ADGRL2: variants seen among roughly 807,000 people sequenced by gnomAD.
ADGRL2 encodes the protein adhesion G protein-coupled receptor L2.
Under a neutral mutation model 157.4 loss-of-function variants are expected in ADGRL2, and 44 were observed. That is an observed-to-expected ratio of 0.28 (90% CI 0.22 to 0.36). The LOEUF is 0.36. ADGRL2 is among the 10% of genes least tolerant of loss of function. ADGRL2 has a pLI of 1.00. For missense variants in ADGRL2, 1,510 were observed against 1,768.9 expected, an observed-to-expected ratio of 0.85 and a Z score of 2.63; for synonymous variants, 585 against 624.7, an observed-to-expected ratio of 0.94 and a Z score of 0.95.
intron 1 of ADGRL2, among the ~76,000 whole-genome samples, chr1:81,817,217 G>A (rs1342200805): frequency 1.3e-5 from 2 of 150,730 alleles, no homozygotes; most frequent in African/African-American, 4.9e-5. Flanking sequence ...CAAATTCCTA[G>A]TTAAAATTTT....
intron 2 of ADGRL2, among the ~76,000 whole-genome samples, chr1:81,904,501 G>A (rs2094549013): frequency 6.6e-6 from 1 of 152,288 alleles, no homozygotes; most frequent in Admixed American, 6.5e-5. Context: ...GGTCGAAGGT[G>A]GGCAGCCACA....
intron 2 of ADGRL2, among the ~76,000 whole-genome samples, chr1:81,783,276 G>T (rs909838338): frequency 6.6e-6 from 1 of 151,312 alleles, no homozygotes; most frequent in Admixed American, 6.6e-5. Context: ...GGTGCACACC[G>T]CCATGCTGGC....
At chr1:81,500,075 T>C (rs531366780) in intron 2 of ADGRL2, among the ~76,000 whole-genome samples, 4 of 152,302 alleles carry the variant, frequency 2.6e-5, no homozygotes, top group African/African-American at 9.6e-5. Context: ...TTGTATGGAA[T>C]GCAAAGGATA....
chr1:81,322,406 C>T (rs1030183972), intron 1 of ADGRL2, among the ~76,000 whole-genome samples: 10 of 151,750 alleles, frequency 6.6e-5, no homozygotes, highest in East Asian at 1.9e-4. Context: ...GTGATAAGTG[C>T]GTAATGATGT....
At chr1:81,760,725 T>A (rs1180089748) in intron 1 of ADGRL2, among the ~76,000 whole-genome samples, 1 of 151,688 alleles carries the variant, frequency 6.6e-6, no homozygotes, top group African/African-American at 2.4e-5. Context: ...AAAATACTTT[T>A]TTTTTTTTTT....
chr1:81,858,451 T>C (rs2093279431), intron 2 of ADGRL2, among the ~76,000 whole-genome samples: 1 of 152,184 alleles, frequency 6.6e-6, no homozygotes, highest in Non-Finnish European at 1.5e-5. Flanking sequence ...CTAAGGACAA[T>C]GAATATCATT....
At chr1:81,502,611 GC>G (rs2078878253) in intron 2 of ADGRL2, 1 of 1,613,948 alleles carries the variant, frequency 6.2e-7, no homozygotes, top group Non-Finnish European at 8.5e-7. Flanking sequence ...ATCACCAAAG[GC>G]CTAAACCTGC....
At position 81,568,026 on chromosome 1, in the gene ADGRL2, TTC is replaced by T. The variant is rs557549446; in HGVS notation, c.-247-12848_-247-12847del. ...TGCTTGCCCAGTTTTTTCTAATTTT[TTC>T]TGTTGGTTGTACGTTGAAATACAAT... On this transcript the variant is annotated intron_variant, in intron 2 of 24. Coordinates refer to the ADGRL2 transcript ENST00000370721. Among the ~76,000 whole-genome samples, 352 of 152,178 alleles carry T rather than the reference TTC, an allele frequency of 2.3e-3. 3 individuals carry two copies. The highest frequency in any genetic ancestry group is 7.8e-3 in the African/African-American group (324 of 41,562).
At chr1:81,877,972 T>C (rs2093885518) in intron 2 of ADGRL2, among the ~76,000 whole-genome samples, 1 of 152,132 alleles carries the variant, frequency 6.6e-6, no homozygotes, top group African/African-American at 2.4e-5. Flanking sequence ...TTTTAAAAAC[T>C]GGCTGGCAAT....
intron 3 of ADGRL2, among the ~76,000 whole-genome samples, chr1:81,635,158 AGCCTCC>A (rs2082091896): frequency 6.6e-6 from 1 of 152,158 alleles, no homozygotes. Context: ...AGGGGAAATG[AGCCTCC>A]GTCATCCACA....
At chr1:81,915,121 G>T (rs143241162) in intron 3 of ADGRL2, among the ~76,000 whole-genome samples, 3 of 151,896 alleles carry the variant, frequency 2.0e-5, no homozygotes, top group African/African-American at 7.3e-5. Context: ...TTTTGACAGG[G>T]TCTTACAGCT....
At chr1:81,611,707 TG>T (rs1407355737) in intron 3 of ADGRL2, among the ~76,000 whole-genome samples, 2 of 152,150 alleles carry the variant, frequency 1.3e-5, no homozygotes, top group Admixed American at 1.3e-4. Context: ...CAAAACCACC[TG>T]GGGGGCTTTA....
At chr1:81,869,837 C>A (rs1014576350) in intron 2 of ADGRL2, among the ~76,000 whole-genome samples, 1 of 151,712 alleles carries the variant, frequency 6.6e-6, no homozygotes, top group African/African-American at 2.4e-5. Context: ...GTCTTCAATG[C>A]GGCCAAGTGT....
chr1:81,948,051 T>C (rs12045952), intron 6 of ADGRL2, among the ~76,000 whole-genome samples: 27,018 of 151,854 alleles, frequency 0.18, 3,167 homozygotes, highest in East Asian at 0.63. Flanking sequence ...ACCCCGTCTC[T>C]GCTAAAAATA....
chr1:81,519,267 C>G (rs2079254588), intron 2 of ADGRL2, among the ~76,000 whole-genome samples: 1 of 152,138 alleles, frequency 6.6e-6, no homozygotes, highest in African/African-American at 2.4e-5. Context: ...ATTCCTGATT[C>G]CCAAAAGCTG....
intron 1 of ADGRL2, among the ~76,000 whole-genome samples, chr1:81,373,082 G>A (rs1313754195): frequency 1.3e-5 from 2 of 151,968 alleles, no homozygotes; most frequent in Non-Finnish European, 2.9e-5. Flanking sequence ...TGCTAATTTG[G>A]GGGTCACATG....
At chr1:81,953,220 T>G (rs1487871210) in intron 10 of ADGRL2, among the ~76,000 whole-genome samples, 195 bp downstream of exon 10, 1 of 152,240 alleles carries the variant, frequency 6.6e-6, no homozygotes, top group Non-Finnish European at 1.5e-5. Flanking sequence ...TAATGATTTC[T>G]GCTGTTTTTC....
At chr1:81,412,262 T>G (rs2076958693) in intron 1 of ADGRL2, among the ~76,000 whole-genome samples, 1 of 152,194 alleles carries the variant, frequency 6.6e-6, no homozygotes, top group African/African-American at 2.4e-5. Context: ...CCACCAAGCT[T>G]TATTGCCTCC....
chr1:81,738,483 TA>T (rs1286012356), intron 1 of ADGRL2, among the ~76,000 whole-genome samples: 1 of 152,212 alleles, frequency 6.6e-6, no homozygotes, highest in Non-Finnish European at 1.5e-5. Context: ...AAACTAATAC[TA>T]AGACTGGGAC....
Sources: allele counts gnomAD v4.1 joint callset (sites outside exome capture counted in the v4.1 genomes callset), GRCh38; gene constraint gnomAD v4.1.1; transcripts MANE v1.5; gene names NCBI Gene and HGNC (gene_info 2026-07-23, HGNC 2026-07-21).